The following CRTC3 variants were observed in gnomAD, a reference collection of about 807,000 sequenced individuals.
The protein encoded by CRTC3 is CREB regulated transcription coactivator 3.
Under a neutral mutation model 74.5 loss-of-function variants are expected in CRTC3, and 26 were observed. The observed-to-expected ratio is 0.35, with a 90% CI of 0.26 to 0.48. The LOEUF is 0.48. Ranked by LOEUF, CRTC3 falls within the 20% of genes least tolerant of loss-of-function variation. The probability of loss-of-function intolerance (pLI) is 0.99; values close to 1 mark genes in which losing one functional copy is unlikely to be tolerated. For missense variants in CRTC3, 760 were observed against 787.3 expected, an observed-to-expected ratio of 0.97 and a Z score of 0.41; for synonymous variants, 377 against 325.8, an observed-to-expected ratio of 1.16 and a Z score of -1.69.
chr15:90,557,250 A>G (rs1466226216), intron 2 of CRTC3, among the ~76,000 whole-genome samples: 2 of 152,066 alleles, frequency 1.3e-5, no homozygotes, highest in South Asian at 2.1e-4. Flanking sequence ...TTGTACTTCT[A>G]GGTAGGACCG....
In CRTC3 at chr15:90,634,876, C is replaced by A. The variant is rs145215360; in HGVS notation, c.1267-3570C>A. 2.0e-4 allele frequency: 315 copies of A among 1,556,544 alleles called. No individual in the cohort carries two copies. The African/African-American group carries it at 4.0e-3, about 20-fold the overall frequency. On this transcript the variant is annotated intron_variant, in intron 11 of 14. Coordinates refer to ENST00000268184, the MANE Select transcript of CRTC3 (RefSeq NM_022769.5). ...CAAGCAACAGTAGTCACTGTTGGAT[C>A]GGGTTCTAAAGGTAAGGCTGGAGAG...
Position 90,581,591 on chromosome 15 carries a change from C to T in CRTC3, c.232-12045C>T, listed in dbSNP as rs376822248. Among the ~76,000 whole-genome samples, 8 of 152,094 alleles carry T rather than the reference C, an allele frequency of 5.3e-5. No individual in the cohort carries two copies. In the East Asian group the frequency reaches 1.3e-3, roughly 26 times the overall value. On this transcript the variant is annotated intron_variant, in intron 2 of 14. Coordinates refer to ENST00000268184, the MANE Select transcript of CRTC3 (RefSeq NM_022769.5). ...CTGAAAAGGCACCTTTAATTTATGA[C>T]AGTATCATAACTTTAATTAAAAAAT...
chr15:90,537,789 T>C (rs8027581), intron 1 of CRTC3, among the ~76,000 whole-genome samples: 98,211 of 151,980 alleles, frequency 0.65, 32,591 homozygotes, highest in Non-Finnish European at 0.7. Context: ...ATTCTTCTGC[T>C]TCATCCTCCC....
chr15:90,627,508 C>T (rs1413447213), intron 10 of CRTC3, among the ~76,000 whole-genome samples: 1 of 152,086 alleles, frequency 6.6e-6, no homozygotes, highest in East Asian at 1.9e-4. Context: ...TCCAGTACAG[C>T]CTTTGACACT....
intron 2 of CRTC3, among the ~76,000 whole-genome samples, chr15:90,566,424 C>G (rs1967123315): frequency 6.6e-6 from 1 of 151,856 alleles, no homozygotes; most frequent in African/African-American, 2.4e-5. Flanking sequence ...GTGGCGTGTG[C>G]CTGTAGTCGT....
intron 1 of CRTC3, chr15:90,539,549 C>A (rs1285348406): frequency 1.2e-5 from 2 of 161,974 alleles, no homozygotes; most frequent in African/African-American, 4.8e-5. Context: ...CTGTTATATA[C>A]CCACTAAAAA....
intron 2 of CRTC3, among the ~76,000 whole-genome samples, chr15:90,549,159 T>A (rs1016054643): frequency 6.6e-6 from 1 of 152,202 alleles, no homozygotes; most frequent in African/African-American, 2.4e-5. Flanking sequence ...GTTTTGTATT[T>A]TCCTTCTATG....
At chr15:90,589,512 A>G (rs1231571524) in intron 2 of CRTC3, among the ~76,000 whole-genome samples, 1 of 152,078 alleles carries the variant, frequency 6.6e-6, no homozygotes, top group Non-Finnish European at 1.5e-5. Flanking sequence ...GCACATCACC[A>G]CACCAGCTAA....
intron 2 of CRTC3, among the ~76,000 whole-genome samples, chr15:90,549,704 C>CT (rs11322295): frequency 0.017 from 1,869 of 110,022 alleles, 59 homozygotes; most frequent in African/African-American, 0.057. Flanking sequence ...TATTCTTTTT[C>CT]TTTTTTTTTT....
chr15:90,632,127 C>T (rs1041425129), intron 11 of CRTC3, among the ~76,000 whole-genome samples: 2 of 151,302 alleles, frequency 1.3e-5, no homozygotes, highest in Non-Finnish European at 2.9e-5. Context: ...CAGGCTAGTC[C>T]ATAATTATTG....
chr15:90,617,728 A>T (rs952843683), intron 7 of CRTC3, among the ~76,000 whole-genome samples, 155 bp from the exon 8 acceptor site: 1 of 152,008 alleles, frequency 6.6e-6, no homozygotes, highest in Non-Finnish European at 1.5e-5. Flanking sequence ...CGGGGGTCTC[A>T]CTATGTTGCC....
At chr15:90,628,335 C>T (rs1044891983) in intron 10 of CRTC3, among the ~76,000 whole-genome samples, 7 of 152,172 alleles carry the variant, frequency 4.6e-5, no homozygotes, top group Admixed American at 1.3e-4. Context: ...CACGAAACAA[C>T]ACATAGTTCT....
At chr15:90,536,581 G>A (rs896702999) in intron 1 of CRTC3, among the ~76,000 whole-genome samples, 1 of 152,036 alleles carries the variant, frequency 6.6e-6, no homozygotes, top group African/African-American at 2.4e-5. Flanking sequence ...GAAAGGACCC[G>A]CTGGGATTTT....
intron 2 of CRTC3, among the ~76,000 whole-genome samples, chr15:90,546,139 G>T (rs1966843956): frequency 6.6e-6 from 1 of 151,730 alleles, no homozygotes. Context: ...GTTCCCGAAG[G>T]TTTTTTTTCT....
At chr15:90,590,353 T>G (rs1967771478) in intron 2 of CRTC3, among the ~76,000 whole-genome samples, 1 of 151,982 alleles carries the variant, frequency 6.6e-6, no homozygotes, top group African/African-American at 2.4e-5. Context: ...GATATAACCA[T>G]GTAAGAACTT....
At chr15:90,593,867 T>A (rs1477250275) in intron 3 of CRTC3, 112 bp downstream of exon 3, 6 of 1,110,752 alleles carry the variant, frequency 5.4e-6, no homozygotes, top group Non-Finnish European at 7.5e-6. Flanking sequence ...ATTTATCTGA[T>A]GAAAGGAGGC....
rs952884166 is a variant in CRTC3, at chr15:90,623,115, C to G, written c.750-2661C>G. Among the ~76,000 whole-genome samples, 72 of 152,164 alleles carry G rather than the reference C, an allele frequency of 4.7e-4. 1 individual carries two copies. Among genetic ancestry groups the G allele is most frequent in the Non-Finnish European group, 1.2e-4 (8 of 68,026 alleles). On this transcript the variant is annotated intron_variant, in intron 9 of 14. Transcript: ENST00000268184. ...GACACCGAGGTCCCTCCTAGTCAGG[C>G]CGGCCACTTTACCACTCCCTGGCCC...
chr15:90,572,396 A>C lies in CRTC3; in HGVS notation c.232-21240A>C, dbSNP rs193252303. 1.1e-3 allele frequency among the ~76,000 whole-genome samples: 175 copies of C among 152,296 alleles called. 1 individual carries two copies. The highest frequency in any genetic ancestry group is 3.9e-3 in the African/African-American group (161 of 41,558). On this transcript the variant is annotated intron_variant, in intron 2 of 14. Transcript: ENST00000268184. ...TTATGATATCGTGTTGGATATTTAC[A>C]TAAGGGTATTTGTGAGATATGTTCC...
Position 90,625,899 on chromosome 15 carries a change from C to G in CRTC3, c.873C>G (p.Asp291Glu), listed in dbSNP as rs575632375. 8.0e-5 allele frequency: 129 copies of G among 1,614,220 alleles called. No homozygotes were observed. In the Middle Eastern group the frequency reaches 1.5e-3, roughly 19 times the overall value. Reference sequence around the variant, plus strand: ...CGACACCCCTGCCAGCCTCCCTGGACACCACCGACCACCACTTTGGCAGTA... The same window carrying G: ...CGACACCCCTGCCAGCCTCCCTGGAGACCACCGACCACCACTTTGGCAGTA... ...HYSTPLPASL[D>E]TTDHHFGSMS... is the part of the protein sequence containing the mutation. Residue 291 changes from aspartate to glutamate, a missense_variant, in exon 10 of 15, where the codon GAC becomes GAG. Physicochemically the swap from Asp to Glu is conservative, Grantham distance 45 (BLOSUM62 2). Around this residue, in one of 2 missense-constraint regions of CRTC3, gnomAD observed 652 missense variants for 635.2 expected, o/e 1.03. Coordinates refer to ENST00000268184, the MANE Select transcript of CRTC3 (RefSeq NM_022769.5).
Sources: allele counts gnomAD v4.1 joint callset (sites outside exome capture counted in the v4.1 genomes callset), GRCh38; gene constraint gnomAD v4.1.1; regional missense constraint gnomAD v4.1.1; transcripts MANE v1.5; gene names NCBI Gene and HGNC (gene_info 2026-07-23, HGNC 2026-07-21).